Variants in RFX3 observed in about 807,000 individuals in gnomAD.
The protein encoded by RFX3 is transcription factor RFX3.
A neutral mutation model predicts 98.6 loss-of-function variants in RFX3; 14 were observed. The observed-to-expected ratio is 0.14, with a 90% confidence interval of 0.09 to 0.22. The LOEUF (loss-of-function observed/expected upper bound fraction) is 0.22, where lower values mean the gene tolerates loss of function less well. Among genes scored for constraint, RFX3 ranks in the 10% least tolerant of loss-of-function variants. The pLI is 1.00. For missense variants in RFX3, 639 were observed against 926.9 expected (o/e 0.69, Z 4.03); for synonymous variants, 383 against 328.4 (o/e 1.17, Z -1.80).
intron 1 of RFX3, among the ~76,000 whole-genome samples, chr9:3,426,538 C>A (rs1844052667): frequency 6.6e-6 from 1 of 152,108 alleles, no homozygotes; most frequent in Non-Finnish European, 1.5e-5. Flanking sequence ...AGGAGGTGAG[C>A]AGCAGGTGAG....
At chr9:3,482,649 C>A (rs1018163925) in intron 1 of RFX3, among the ~76,000 whole-genome samples, 7 of 152,028 alleles carry the variant, frequency 4.6e-5, no homozygotes, top group African/African-American at 1.7e-4. Flanking sequence ...CATTTTATTC[C>A]TTTTTCAAAC....
chr9:3,248,078 C>T lies in RFX3; in HGVS notation c.1922G>A (p.Arg641His). The T allele has an allele frequency of 6.2e-7, 1 of 1,613,976 alleles. No homozygotes were observed. The highest frequency in any genetic ancestry group is 8.5e-7 in the Non-Finnish European group (1 of 1,179,916). ...DEYMFYLVEH[R>H]VAQATGETPI... ...AGTCTCTCCTGTTGCCTGAGCAACA[C>T]GATGTTCTACTAAGTAAAACATATA... Residue 641 changes from arginine to histidine, a missense_variant, in exon 15 of 17, where the codon CGT becomes CAT. Physicochemically the swap from Arg to His is conservative, Grantham distance 29. Around this residue, in one of 9 missense-constraint regions of RFX3, gnomAD observed 138 missense variants for 308.9 expected, o/e 0.45. Coordinates refer to ENST00000617270, the MANE Select transcript of RFX3 (RefSeq NM_001282116.2).
intron 15 of RFX3, chr9:3,247,830 C>A (rs375921731): frequency 6.2e-6 from 10 of 1,605,360 alleles, no homozygotes; most frequent in Non-Finnish European, 8.5e-6. Flanking sequence ...ATGATATAAT[C>A]CACAATTTTA....
At chr9:3,497,009 T>C (rs1224902722) in intron 1 of RFX3, among the ~76,000 whole-genome samples, 1 of 151,980 alleles carries the variant, frequency 6.6e-6, no homozygotes, top group African/African-American at 2.4e-5. Flanking sequence ...ACATTCAAGA[T>C]TAGTTGCAGG....
intron 1 of RFX3, among the ~76,000 whole-genome samples, chr9:3,443,839 C>T (rs1317615165): frequency 6.6e-6 from 1 of 152,128 alleles, no homozygotes; most frequent in African/African-American, 2.4e-5. Context: ...AAAAGTATTC[C>T]TTTTTCTCCG....
chr9:3,404,733 G>A (rs920075737), intron 1 of RFX3, among the ~76,000 whole-genome samples: 2 of 152,088 alleles, frequency 1.3e-5, no homozygotes, highest in African/African-American at 4.8e-5. Context: ...GAAATTTCAT[G>A]TAATAAGTTT....
intron 2 of RFX3, among the ~76,000 whole-genome samples, chr9:3,359,265 C>T (rs757028578): frequency 1.3e-5 from 2 of 152,014 alleles, no homozygotes; most frequent in Non-Finnish European, 2.9e-5. Flanking sequence ...GTATACATAC[C>T]TCATTCTACC....
At chr9:3,365,534 C>G (rs1800044298) in intron 2 of RFX3, among the ~76,000 whole-genome samples, 1 of 151,932 alleles carries the variant, frequency 6.6e-6, no homozygotes, top group African/African-American at 2.4e-5. Flanking sequence ...ATCTAAATCC[C>G]TGAAGAAAAG....
At chr9:3,366,708 TTCTTTC>T (rs1357434311) in intron 2 of RFX3, among the ~76,000 whole-genome samples, 1 of 125,726 alleles carries the variant, frequency 8.0e-6, no homozygotes, top group Non-Finnish European at 1.6e-5. Flanking sequence ...CTTTCTTTCT[TTCTTTC>T]TTTCTTTCTT....
chr9:3,255,206 A>C (rs568706680), intron 14 of RFX3, among the ~76,000 whole-genome samples: 1 of 152,270 alleles, frequency 6.6e-6, no homozygotes, highest in African/African-American at 2.4e-5. Context: ...AAAGTCACTT[A>C]TAATAAAACC....
At chr9:3,416,487 T>C (rs1842992269) in intron 1 of RFX3, among the ~76,000 whole-genome samples, 1 of 148,944 alleles carries the variant, frequency 6.7e-6, no homozygotes, top group Non-Finnish European at 1.5e-5. Flanking sequence ...ATGTTATCAG[T>C]ATTCTTATTA....
At chr9:3,286,333 ATTTAT>A (rs1363392528) in intron 7 of RFX3, among the ~76,000 whole-genome samples, 1 of 151,844 alleles carries the variant, frequency 6.6e-6, no homozygotes, top group African/African-American at 2.4e-5. Context: ...CTATTCTATA[ATTTAT>A]TTTATTATTT....
intron 2 of RFX3, among the ~76,000 whole-genome samples, chr9:3,356,095 C>T (rs1024642460): frequency 7.0e-6 from 1 of 143,224 alleles, no homozygotes; most frequent in Admixed American, 7.0e-5. Context: ...AAATCTAAGG[C>T]AATAACCTAA....
chr9:3,442,080 A>T (rs1302592785), intron 1 of RFX3, among the ~76,000 whole-genome samples: 1 of 152,004 alleles, frequency 6.6e-6, no homozygotes, highest in Non-Finnish European at 1.5e-5. Context: ...CGCACCTGTA[A>T]TCCCAGCTAC....
chr9:3,278,447 T>C (rs1825514648), intron 7 of RFX3, among the ~76,000 whole-genome samples: 1 of 151,898 alleles, frequency 6.6e-6, no homozygotes, highest in African/African-American at 2.4e-5. Flanking sequence ...CATTCTTTTT[T>C]TTCCCTATTT....
At chr9:3,229,888 G>T (rs1027675008) in intron 15 of RFX3, among the ~76,000 whole-genome samples, 1 of 151,968 alleles carries the variant, frequency 6.6e-6, no homozygotes, top group African/African-American at 2.4e-5. Context: ...ATCTTATTTT[G>T]CAAACATACA....
chr9:3,359,032 G>C (rs1420911327), intron 2 of RFX3, among the ~76,000 whole-genome samples: 2 of 151,592 alleles, frequency 1.3e-5, no homozygotes, highest in African/African-American at 4.8e-5. Context: ...GGGACACAGA[G>C]CCCACCCATA....
At chr9:3,504,170 TTATATATTA>T (rs2133703272) in intron 1 of RFX3, among the ~76,000 whole-genome samples, 1 of 100,020 alleles carries the variant, frequency 1.0e-5, no homozygotes, top group African/African-American at 5.7e-5. Context: ...ATTATATATA[TTATATATTA>T]TACATATTAT....
At chr9:3,444,338 T>C (rs1384499098) in intron 1 of RFX3, among the ~76,000 whole-genome samples, 1 of 152,126 alleles carries the variant, frequency 6.6e-6, no homozygotes, top group Non-Finnish European at 1.5e-5. Context: ...ATTATTTTAT[T>C]ATTATAAAGT....
Sources: allele counts gnomAD v4.1 joint callset (sites outside exome capture counted in the v4.1 genomes callset), GRCh38; gene constraint gnomAD v4.1.1; regional missense constraint gnomAD v4.1.1; transcripts MANE v1.5; gene names NCBI Gene and HGNC (gene_info 2026-07-23, HGNC 2026-07-21).